The following KIAA1217 variants were observed in gnomAD, a reference collection of about 807,000 sequenced individuals.
KIAA1217 encodes the protein sickle tail protein homolog.
Under a neutral mutation model 163.9 loss-of-function variants are expected in KIAA1217, and 88 were observed. The ratio of observed to expected loss-of-function variants is 0.54; its 90% confidence interval spans 0.45 to 0.64. The LOEUF (loss-of-function observed/expected upper bound fraction) is 0.64. KIAA1217 is among the 30% of genes least tolerant of loss of function. KIAA1217 has a pLI of 0.00. For missense variants in KIAA1217, 2,372 were observed against 2,475.0 expected (o/e 0.96, Z 0.88); for synonymous variants, 903 against 923.1 (o/e 0.98, Z 0.39).
chr10:23,891,767 A>G (rs1841428322), intron 1 of KIAA1217, among the ~76,000 whole-genome samples: 2 of 151,792 alleles, frequency 1.3e-5, no homozygotes, highest in South Asian at 2.1e-4. Context: ...TATTTTTTGT[A>G]CTTCTTAGTT....
intron 2 of KIAA1217, among the ~76,000 whole-genome samples, chr10:24,361,426 G>C (rs1010598470): frequency 6.6e-6 from 1 of 152,096 alleles, no homozygotes; most frequent in East Asian, 1.9e-4. Flanking sequence ...AGGCTCAAGC[G>C]ATCTTCCCAC....
At chr10:24,420,886 C>A (rs181581926) in intron 3 of KIAA1217, among the ~76,000 whole-genome samples, 32 of 152,300 alleles carry the variant, frequency 2.1e-4, no homozygotes, top group African/African-American at 7.5e-4. Context: ...TTTGTCCTAT[C>A]CGTGTGCCAA....
At chr10:23,806,448 A>T (rs1249200245) in intron 1 of KIAA1217, among the ~76,000 whole-genome samples, 4 of 152,180 alleles carry the variant, frequency 2.6e-5, no homozygotes, top group African/African-American at 9.7e-5. Context: ...ATTTCTTCAG[A>T]TTGTGCCCCA....
intron 1 of KIAA1217, among the ~76,000 whole-genome samples, chr10:24,006,818 A>G (rs1272494442): frequency 6.6e-6 from 1 of 152,216 alleles, no homozygotes; most frequent in Non-Finnish European, 1.5e-5. Context: ...CTGCAGCTGC[A>G]CATCATCCTT....
chr10:23,889,426 C>A (rs1470891583), intron 1 of KIAA1217, among the ~76,000 whole-genome samples: 1 of 151,866 alleles, frequency 6.6e-6, no homozygotes, highest in Non-Finnish European at 1.5e-5. Flanking sequence ...AGGCTATTAT[C>A]CATTTACATA....
chr10:23,880,876 T>C (rs1273470725), intron 1 of KIAA1217, among the ~76,000 whole-genome samples: 1 of 151,996 alleles, frequency 6.6e-6, no homozygotes, highest in African/African-American at 2.4e-5. Flanking sequence ...GTATGTGTGC[T>C]TTTCAGCCAC....
In KIAA1217 at chr10:23,857,609, G is replaced by A. The variant is rs115066685; in HGVS notation, c.-320-149616G>A. Reference sequence around the variant, plus strand: ...GTATTAAATCAGAAGGTCTAGGGTCGGGGCCCAGGAATTTGCATTTTATAA... The same window carrying A: ...GTATTAAATCAGAAGGTCTAGGGTCAGGGCCCAGGAATTTGCATTTTATAA... On this transcript the variant is annotated intron_variant, in intron 1 of 18. Transcript: ENST00000376462. Among the ~76,000 whole-genome samples the A allele has an allele frequency of 3.0e-3, 459 of 152,210 alleles. 4 individuals carry two copies. The highest frequency in any genetic ancestry group is 0.011 in the African/African-American group (440 of 41,544).
chr10:24,220,156 G>GAGAGTATGCAGTTCCCCAAA (rs1488521723), intron 2 of KIAA1217, among the ~76,000 whole-genome samples: 3 of 152,122 alleles, frequency 2.0e-5, no homozygotes, highest in Non-Finnish European at 4.4e-5. Context: ...GAAGGGCCTA[G>GAGAGTATGCAGTTCCCCAAA]AGAGTATGCA....
At position 24,547,056 on chromosome 10, in the gene KIAA1217, C is replaced by CTTTTTTTTTTTTTT. The variant is rs11411265; in HGVS notation, c.*735_*748dup. 7.8e-6 allele frequency: 1 copy of CTTTTTTTTTTTTTT among 127,946 alleles called. No homozygotes were observed. The highest frequency in any genetic ancestry group is 1.6e-5 in the Non-Finnish European group (1 of 62,538). The allele number at this position is 127,946 out of a possible 1,614,324, so 7.9% of individuals were successfully genotyped here. A position where few individuals can be genotyped will look rare whatever the true frequency, so the allele number is the denominator to read the frequency against. On this transcript the variant is annotated 3_prime_UTR_variant, in exon 21 of 21. Coordinates refer to ENST00000376454, the MANE Select transcript of KIAA1217 (RefSeq NM_019590.5). ...GCTTCTTTTCTTTCTTTTTTCCTTC[C>CTTTTTTTTTTTTTT]TTTTTTTTTTTTTTTTCTTTTTTAA...
chr10:24,029,412 A>C (rs1051009984), intron 2 of KIAA1217, among the ~76,000 whole-genome samples: 2 of 152,122 alleles, frequency 1.3e-5, no homozygotes, highest in Non-Finnish European at 1.5e-5. Flanking sequence ...ATCTACTCTA[A>C]GGAGTATTCA....
intron 1 of KIAA1217, among the ~76,000 whole-genome samples, chr10:23,748,483 A>C (rs1240174889): frequency 7.0e-6 from 1 of 142,096 alleles, no homozygotes; most frequent in Non-Finnish European, 1.5e-5. Flanking sequence ...GAAGGAAGGA[A>C]GGAAGGAAAG....
chr10:23,995,991 C>T (rs1329974570), intron 1 of KIAA1217, among the ~76,000 whole-genome samples: 5 of 152,172 alleles, frequency 3.3e-5, no homozygotes, highest in South Asian at 2.1e-4. Context: ...ACTGGGGTAC[C>T]GTGATGAATG....
At chr10:24,434,028 T>TTTA (rs2059819348) in intron 4 of KIAA1217, among the ~76,000 whole-genome samples, 1 of 33,468 alleles carries the variant, frequency 3.0e-5, no homozygotes, top group East Asian at 1.6e-3. Flanking sequence ...TCTCTCTCTT[T>TTTA]TTTTTTTTTT....
chr10:23,871,956 A>C (rs1389095190), intron 1 of KIAA1217, among the ~76,000 whole-genome samples: 2 of 152,090 alleles, frequency 1.3e-5, no homozygotes. Context: ...GTCTCTAAGC[A>C]CTTGCAAATT....
intron 1 of KIAA1217, among the ~76,000 whole-genome samples, chr10:23,711,364 A>G (rs1837244797): frequency 6.6e-6 from 1 of 152,166 alleles, no homozygotes; most frequent in Admixed American, 6.5e-5. Flanking sequence ...GGTCCTTACA[A>G]GAGGGAGGCA....
chr10:24,517,237 A>G (rs1171072042), intron 10 of KIAA1217, among the ~76,000 whole-genome samples: 2 of 151,990 alleles, frequency 1.3e-5, no homozygotes, highest in Non-Finnish European at 2.9e-5. Context: ...GGTAGTGTAA[A>G]TTTTCCTTCC....
Position 24,257,622 on chromosome 10 carries a change from G to A in KIAA1217, c.354+37713G>A, listed in dbSNP as rs141526799. Among the ~76,000 whole-genome samples the A allele has an allele frequency of 7.7e-3, 1,171 of 152,276 alleles. 51 individuals carry two copies. The highest frequency in any genetic ancestry group is 0.072 in the Admixed American group (1,094 of 15,288). On this transcript the variant is annotated intron_variant, in intron 2 of 20. Transcript: ENST00000376454. ...CCTCAGGGAATCAGAGAACACAGAA[G>A]CTGAAAGATGTATCCAGCCTTCCCT...
intron 2 of KIAA1217, among the ~76,000 whole-genome samples, chr10:24,150,734 T>C (rs541164959): frequency 4.4e-4 from 67 of 152,216 alleles, no homozygotes; most frequent in African/African-American, 1.5e-3. Context: ...GAAGTCCTCA[T>C]TAGGAATCTC....
At chr10:24,499,196 C>T (rs890870336) in intron 8 of KIAA1217, among the ~76,000 whole-genome samples, 3 of 152,166 alleles carry the variant, frequency 2.0e-5, no homozygotes. Context: ...GGAAAACTTC[C>T]AATGGATTGT....
Sources: gnomAD v4.1 joint callset for allele counts (sites outside exome capture counted in the v4.1 genomes callset) on GRCh38, gnomAD v4.1.1 for gene constraint, MANE v1.5 for transcripts, NCBI Gene and HGNC (gene_info 2026-07-23, HGNC 2026-07-21) for gene names.